LRMDA: variants seen among roughly 807,000 people sequenced by gnomAD.
The protein encoded by LRMDA is leucine rich melanocyte differentiation associated, also known as leucine-rich melanocyte differentiation-associated protein.
LRMDA carries 18 observed loss-of-function variants against 29.8 expected under a neutral mutation model. The observed-to-expected ratio is 0.60, with a 90% CI of 0.42 to 0.90. The LOEUF (loss-of-function observed/expected upper bound fraction) is 0.90. Among genes scored for constraint, LRMDA ranks in the 40% least tolerant of loss-of-function variants. The pLI, the probability that LRMDA is intolerant of heterozygous loss-of-function variation, is 0.00. For synonymous variants in LRMDA, 125 were observed against 109.4 expected (o/e 1.14, Z -0.89); for missense variants, 273 against 273.9 (o/e 1.00, Z 0.02).
chr10:76,087,184 G>T (rs1034695813), intron 5 of LRMDA, among the ~76,000 whole-genome samples: 7 of 152,198 alleles, frequency 4.6e-5, no homozygotes, highest in Admixed American at 2.6e-4. Context: ...TTACACAGGG[G>T]TAGTCTCGTT....
chr10:75,980,812 T>C (rs1847155148), intron 2 of LRMDA, among the ~76,000 whole-genome samples: 1 of 152,234 alleles, frequency 6.6e-6, no homozygotes, highest in African/African-American at 2.4e-5. Context: ...TCTCATTTTC[T>C]GCCCTTTTTA....
At chr10:76,311,270 G>C (rs1162575186) in intron 5 of LRMDA, among the ~76,000 whole-genome samples, 1 of 152,092 alleles carries the variant, frequency 6.6e-6, no homozygotes, top group Non-Finnish European at 1.5e-5. Flanking sequence ...ACTTTAATCG[G>C]ATAGAAACTG....
intron 2 of LRMDA, among the ~76,000 whole-genome samples, chr10:75,560,689 T>C (rs1324492969): frequency 6.7e-6 from 1 of 150,266 alleles, no homozygotes; most frequent in Admixed American, 6.6e-5. Flanking sequence ...ATAGCTCTTA[T>C]TATTTTGAGA....
At chr10:75,769,591 A>G (rs1843212436) in intron 2 of LRMDA, among the ~76,000 whole-genome samples, 1 of 152,118 alleles carries the variant, frequency 6.6e-6, no homozygotes, top group Non-Finnish European at 1.5e-5. Flanking sequence ...AAGGTGTGTT[A>G]ATTTATTTTA....
At position 76,225,696 on chromosome 10, in the gene LRMDA, TTTTA is replaced by T. The variant is rs141422770; in HGVS notation, c.517-98682_517-98679del. On this transcript the variant is annotated intron_variant, in intron 5 of 6. Coordinates refer to ENST00000611255, the MANE Select transcript of LRMDA (RefSeq NM_001305581.2). Reference sequence around the variant, plus strand: ...GAAATATCTGAGACTGGGTAATTTATTTTATTTATTTATTTATTTATTTATTATT... The same window carrying T: ...GAAATATCTGAGACTGGGTAATTTATTTTATTTATTTATTTATTTATTATT... 2.6e-4 allele frequency among the ~76,000 whole-genome samples: 38 copies of T among 144,990 alleles called. 1 individual carries two copies. Among genetic ancestry groups the T allele is most frequent in the South Asian group, 2.4e-3 (11 of 4,558 alleles).
chr10:75,951,051 G>T (rs2132419882), intron 2 of LRMDA, among the ~76,000 whole-genome samples: 1 of 152,244 alleles, frequency 6.6e-6, no homozygotes, highest in Admixed American at 6.5e-5. Context: ...CTGTGAACTT[G>T]GCTCCACGTG....
At chr10:76,506,964 T>TCG (rs2132348033) in intron 6 of LRMDA, among the ~76,000 whole-genome samples, 1 of 152,248 alleles carries the variant, frequency 6.6e-6, no homozygotes, top group Admixed American at 6.5e-5. Context: ...TACTTTCTTT[T>TCG]GGACATATAC....
intron 2 of LRMDA, among the ~76,000 whole-genome samples, chr10:75,457,711 C>T (rs1177490861): frequency 1.3e-5 from 2 of 152,236 alleles, no homozygotes; most frequent in East Asian, 3.9e-4. Flanking sequence ...ATGTTTTAGT[C>T]CTCTTGCTGC....
chr10:75,531,967 G>A (rs1214898073), intron 2 of LRMDA, among the ~76,000 whole-genome samples: 2 of 149,248 alleles, frequency 1.3e-5, no homozygotes, highest in South Asian at 2.1e-4. Flanking sequence ...GATCACTCGA[G>A]CCCAGGAATT....
At chr10:75,955,216 A>G (rs926725714) in intron 2 of LRMDA, among the ~76,000 whole-genome samples, 10 of 152,218 alleles carry the variant, frequency 6.6e-5, no homozygotes, top group Admixed American at 1.3e-4. Context: ...GGCTGCAAAA[A>G]TTGGTGTCTT....
At chr10:76,452,010 C>A (rs1483842655) in intron 6 of LRMDA, among the ~76,000 whole-genome samples, 1 of 152,128 alleles carries the variant, frequency 6.6e-6, no homozygotes, top group Non-Finnish European at 1.5e-5. Context: ...AATGACCTAT[C>A]CCTAAAATCT....
chr10:76,159,407 CT>C (rs1157115104), intron 5 of LRMDA, among the ~76,000 whole-genome samples: 2 of 152,126 alleles, frequency 1.3e-5, no homozygotes. Context: ...GATGTAGAGC[CT>C]TAGGGACTCT....
intron 5 of LRMDA, among the ~76,000 whole-genome samples, chr10:76,102,358 T>C (rs879665932): frequency 1.3e-5 from 2 of 152,186 alleles, no homozygotes; most frequent in African/African-American, 2.4e-5. Context: ...CAATACCCTA[T>C]GGGTATTTTT....
chr10:75,843,747 T>C (rs1340410821), intron 2 of LRMDA, among the ~76,000 whole-genome samples: 1 of 152,168 alleles, frequency 6.6e-6, no homozygotes, highest in Non-Finnish European at 1.5e-5. Context: ...CCCCTTAAGG[T>C]CCTCGTGGTT....
intron 2 of LRMDA, among the ~76,000 whole-genome samples, chr10:75,849,400 A>G (rs1246019994): frequency 4.6e-5 from 7 of 151,866 alleles, no homozygotes; most frequent in African/African-American, 1.7e-4. Context: ...TTGTACATAT[A>G]TACCATGAAA....
chr10:76,013,843 C>A (rs1374730963), intron 2 of LRMDA, among the ~76,000 whole-genome samples: 1 of 151,900 alleles, frequency 6.6e-6, no homozygotes, highest in Non-Finnish European at 1.5e-5. Flanking sequence ...ATTCCCTTGG[C>A]AATCACCATT....
chr10:76,163,901 C>CCTT (rs1325491477), intron 5 of LRMDA, among the ~76,000 whole-genome samples: 2 of 152,140 alleles, frequency 1.3e-5, no homozygotes, highest in Non-Finnish European at 2.9e-5. Context: ...ACTGGAATGC[C>CCTT]ATATTCTCTG....
At chr10:75,806,935 A>AT (rs1843865099) in intron 2 of LRMDA, among the ~76,000 whole-genome samples, 1 of 152,010 alleles carries the variant, frequency 6.6e-6, no homozygotes, top group Non-Finnish European at 1.5e-5. Context: ...TCTTTCCCCA[A>AT]TTCAGAAGGT....
chr10:75,557,747 C>T (rs1425977756), intron 2 of LRMDA, among the ~76,000 whole-genome samples: 1 of 152,168 alleles, frequency 6.6e-6, no homozygotes, highest in African/African-American at 2.4e-5. Flanking sequence ...GCGATTTGTC[C>T]ACCCTTTAAG....
Sources: gnomAD v4.1 joint callset for allele counts (sites outside exome capture counted in the v4.1 genomes callset) on GRCh38, gnomAD v4.1.1 for gene constraint, MANE v1.5 for transcripts, NCBI Gene and HGNC (gene_info 2026-07-23, HGNC 2026-07-21) for gene names.